Variants in RELN observed in about 807,000 individuals in gnomAD.
The protein encoded by RELN is reelin.
Under a neutral mutation model 427.6 loss-of-function variants are expected in RELN, and 108 were observed. The observed-to-expected ratio is 0.25, with a 90% confidence interval of 0.22 to 0.30. RELN has a LOEUF of 0.30. Ranked by LOEUF, RELN falls within the 10% of genes least tolerant of loss-of-function variation. The probability of loss-of-function intolerance (pLI) is 1.00; values close to 1 mark genes in which losing one functional copy is unlikely to be tolerated. For synonymous variants in RELN, 1,524 were observed against 1,513.4 expected (o/e 1.01, Z -0.16); for missense variants, 3,715 against 4,302.8 (o/e 0.86, Z 3.82).
intron 22 of RELN, among the ~76,000 whole-genome samples, chr7:103,606,614 A>T (rs1457971598): frequency 1.3e-5 from 2 of 152,170 alleles, no homozygotes; most frequent in Non-Finnish European, 2.9e-5. Context: ...TAAAAAACCC[A>T]TGGCACCCAT....
intron 50 of RELN, among the ~76,000 whole-genome samples, chr7:103,514,750 G>GGACAT (rs766576903): frequency 1.4e-4 from 21 of 152,086 alleles, no homozygotes; most frequent in Non-Finnish European, 2.1e-4. Context: ...GCAAGACCTG[G>GGACAT]GACATGACCT....
chr7:103,972,086 T>C (rs75664291), intron 1 of RELN, among the ~76,000 whole-genome samples: 5,760 of 151,962 alleles, frequency 0.038, 165 homozygotes, highest in South Asian at 0.088. Flanking sequence ...AATAAGTAAA[T>C]AGATAAAAAT....
intron 2 of RELN, among the ~76,000 whole-genome samples, chr7:103,901,738 G>C (rs1359052256): frequency 6.6e-6 from 1 of 152,040 alleles, no homozygotes; most frequent in Admixed American, 6.6e-5. Flanking sequence ...GCCTGGGGAT[G>C]AGAGGTGGTA....
intron 1 of RELN, among the ~76,000 whole-genome samples, chr7:103,971,457 A>G (rs886139305): frequency 6.6e-6 from 1 of 152,208 alleles, no homozygotes; most frequent in Non-Finnish European, 1.5e-5. Flanking sequence ...ACAGATATGC[A>G]CAAAATTAGT....
At chr7:103,553,863 C>T (rs1474477296) in intron 38 of RELN, 32 bp from the exon 39 acceptor site, 2 of 1,588,308 alleles carry the variant, frequency 1.3e-6, no homozygotes, top group Non-Finnish European at 1.7e-6. Context: ...CAAGTTTTTC[C>T]AGTGATGAAA....
chr7:103,508,742 T>C (rs972359917), intron 51 of RELN, among the ~76,000 whole-genome samples: 49 of 152,228 alleles, frequency 3.2e-4, no homozygotes, highest in Admixed American at 3.1e-3. Flanking sequence ...CATGATTGTG[T>C]ATTTAGAAAA....
intron 6 of RELN, among the ~76,000 whole-genome samples, chr7:103,734,603 C>T (rs1371057630): frequency 1.3e-5 from 2 of 152,100 alleles, no homozygotes; most frequent in Admixed American, 6.6e-5. Context: ...CCACATGAAG[C>T]TTATCTATTA....
rs1307056370 is a variant in RELN, at chr7:103,574,126, C to T, written c.4477G>A (p.Ala1493Thr). ...LYFNGPGKRE[A>T]RTVPLDTRNI... ...CTGGTGTCCAGAGGGACCGTCCGGG[C>T]TTCCCTTTTCCCAGGGCCATTGAAG... is the stretch of plus-strand genomic sequence containing the variant. Residue 1493 changes from alanine (A) to threonine (T), a missense_variant, in exon 30 of 65, where the codon GCC becomes ACC. Ala to Thr is a moderately conservative substitution (Grantham distance 58, BLOSUM62 0). Transcript: ENST00000428762. The T allele has an allele frequency of 6.2e-7, 1 of 1,614,174 alleles. No homozygotes were observed. Among genetic ancestry groups the T allele is most frequent in the Non-Finnish European group, 8.5e-7 (1 of 1,180,016 alleles).
At chr7:103,583,609 G>A (rs907959219) in intron 28 of RELN, among the ~76,000 whole-genome samples, 6 of 152,160 alleles carry the variant, frequency 3.9e-5, no homozygotes, top group Non-Finnish European at 7.3e-5. Flanking sequence ...TTTCCACAAG[G>A]AAGAACCAAA....
At chr7:103,733,334 T>C (rs1294991371) in intron 6 of RELN, among the ~76,000 whole-genome samples, 1 of 149,236 alleles carries the variant, frequency 6.7e-6, no homozygotes, top group South Asian at 2.2e-4. Context: ...ACTTTTACAC[T>C]GTAGGTGGGA....
rs1378521257 is a variant in RELN at position 103,489,772 on chromosome 7, C to T, written c.9733G>A (p.Ala3245Thr). The T allele has an allele frequency of 1.2e-6, 2 of 1,614,124 alleles. No individual in the cohort carries two copies. The highest frequency in any genetic ancestry group is 1.3e-5 in the African/African-American group (1 of 75,050). ...CSGHGYCTTG[A>T]ICICDESFQG... is the part of the protein sequence containing the mutation. ...AAGCTCTCGTCGCAGATGCAGATGG[C>T]ACCGGTCGTGCAGTATCCGTGCCCG... Residue 3245 changes from alanine to threonine, a missense_variant, in exon 60 of 65, where the codon GCC (alanine) becomes ACC (threonine). Transcript: ENST00000428762.
intron 2 of RELN, among the ~76,000 whole-genome samples, chr7:103,885,432 T>C (rs1794704114): frequency 6.6e-6 from 1 of 152,158 alleles, no homozygotes; most frequent in Non-Finnish European, 1.5e-5. Context: ...TTCATGTCCT[T>C]TGCAGGGACA....
intron 2 of RELN, among the ~76,000 whole-genome samples, chr7:103,848,048 T>C (rs904335232): frequency 2.0e-5 from 3 of 152,212 alleles, no homozygotes; most frequent in African/African-American, 7.2e-5. Flanking sequence ...GATATAACAT[T>C]GCTAGGGATA....
At chr7:103,800,711 A>G (rs1242331103) in intron 3 of RELN, among the ~76,000 whole-genome samples, 2 of 152,238 alleles carry the variant, frequency 1.3e-5, no homozygotes, top group African/African-American at 2.4e-5. Flanking sequence ...AATGGCAACA[A>G]AAGCCAAAAT....
At position 103,604,343 on chromosome 7, in the gene RELN, TA is replaced by T. The variant is rs1429277721; in HGVS notation, c.3146+2del. 6.2e-7 allele frequency: 1 copy of T among 1,613,824 alleles called. No individual in the cohort carries two copies. Among genetic ancestry groups the T allele is most frequent in the Non-Finnish European group, 8.5e-7 (1 of 1,179,812 alleles). ...ACCTCATCGTGCTTTCTGGTGCACATACCTGCATATGCCATGATCGCATGAG... is the reference window on the plus strand; with the variant it reads ...ACCTCATCGTGCTTTCTGGTGCACATCCTGCATATGCCATGATCGCATGAG... On this transcript the variant is annotated splice_donor_variant, in intron 23 of 64. Transcript: ENST00000428762. LOFTEE classifies it high-confidence loss of function.
chr7:103,895,927 T>C (rs28776782), intron 2 of RELN, among the ~76,000 whole-genome samples: 40,142 of 151,952 alleles, frequency 0.26, 6,093 homozygotes, highest in African/African-American at 0.41. Context: ...GAAAAATATA[T>C]TCACAAAACA....
At chr7:103,862,297 T>C (rs1187296991) in intron 2 of RELN, among the ~76,000 whole-genome samples, 5 of 152,178 alleles carry the variant, frequency 3.3e-5, no homozygotes, top group Admixed American at 1.3e-4. Flanking sequence ...TTGCAGTTGA[T>C]AGATGTTCAT....
intron 1 of RELN, among the ~76,000 whole-genome samples, chr7:103,919,155 T>TTTTTAGA (rs1554442229): frequency 6.9e-6 from 1 of 145,062 alleles, no homozygotes; most frequent in African/African-American, 2.7e-5. Flanking sequence ...TTTTTTTTTT[T>TTTTTAGA]TAGAAAGAGG....
intron 2 of RELN, among the ~76,000 whole-genome samples, chr7:103,860,780 TATCATC>T (rs927833685): frequency 1.3e-5 from 2 of 152,098 alleles, no homozygotes; most frequent in African/African-American, 2.4e-5. Context: ...AGCAATGTAT[TATCATC>T]ATCATCATCA....
Sources: gnomAD v4.1 joint callset for allele counts (sites outside exome capture counted in the v4.1 genomes callset) on GRCh38, gnomAD v4.1.1 for gene constraint, MANE v1.5 for transcripts, NCBI Gene and HGNC (gene_info 2026-07-23, HGNC 2026-07-21) for gene names.